Variants in GOLGA3 observed in about 807,000 individuals in gnomAD.
GOLGA3 encodes golgin A3, also known as golgin subfamily A member 3.
A neutral mutation model predicts 169.4 loss-of-function variants in GOLGA3; 75 were observed. The ratio of observed to expected loss-of-function variants is 0.44; its 90% confidence interval spans 0.37 to 0.54. The LOEUF (loss-of-function observed/expected upper bound fraction) is 0.54, where lower values mean the gene tolerates loss of function less well. Ranked by LOEUF, GOLGA3 falls within the 20% of genes least tolerant of loss-of-function variation. The probability of loss-of-function intolerance (pLI) is 0.00; values close to 1 mark genes in which losing one functional copy is unlikely to be tolerated. For missense variants in GOLGA3, 1,899 were observed against 1,930.0 expected (o/e 0.98, Z 0.30); for synonymous variants, 824 against 822.4 (o/e 1.00, Z -0.03).
At chr12:132,807,829 A>ACCTCTGCCCGCCCCACC (rs1949489661) in intron 5 of GOLGA3, 62 bp downstream of exon 5, 1 of 47,658 alleles carries the variant, frequency 2.1e-5, no homozygotes, top group Non-Finnish European at 3.1e-5. Context: ...CCCGCCCCAC[A>ACCTCTGCCCGCCCCACC]CCCCCCTCTG....
At position 132,789,165 on chromosome 12, in the gene GOLGA3, G is replaced by A. The variant is rs80194721; in HGVS notation, c.2673C>T (p.His891=). 2,079 of 1,612,182 alleles carry A rather than the reference G, an allele frequency of 1.3e-3. 5 individuals carry two copies. Among genetic ancestry groups the A allele is most frequent in the Non-Finnish European group, 1.6e-3 (1,856 of 1,180,016 alleles). Residue 891 remains histidine (H), a synonymous_variant, in exon 13 of 24, where the codon CAC becomes CAT. Coordinates refer to ENST00000450791, the MANE Select transcript of GOLGA3 (RefSeq NM_001389683.1). Reference sequence around the variant, plus strand: ...CCGCCTCGGCAGTCCGCTTCTCCCCGTGCACTTGCATCAGCTCCTGCCGCA... The same window carrying A: ...CCGCCTCGGCAGTCCGCTTCTCCCCATGCACTTGCATCAGCTCCTGCCGCA... ...KELRQELMQV[H]GEKRTAEAEL...
chr12:132,815,138 A>G (rs1033035196), intron 3 of GOLGA3, among the ~76,000 whole-genome samples: 1 of 152,224 alleles, frequency 6.6e-6, no homozygotes, highest in Non-Finnish European at 1.5e-5. Flanking sequence ...TAGTTTATAC[A>G]TTTTATCACT....
chr12:132,783,162 C>T (rs1191636824), intron 16 of GOLGA3, among the ~76,000 whole-genome samples: 2 of 151,830 alleles, frequency 1.3e-5, no homozygotes, highest in Non-Finnish European at 2.9e-5. Flanking sequence ...TGCACTCCAG[C>T]CTGAATGACA....
At chr12:132,807,357 T>G in intron 5 of GOLGA3, 69 bp from the exon 6 acceptor site, 1 of 802,630 alleles carries the variant, frequency 1.2e-6, no homozygotes, top group Non-Finnish European at 2.0e-6. Context: ...CTCCACATTC[T>G]CCAAATTCCA....
intron 23 of GOLGA3, 138 bp from the exon 24 acceptor site, chr12:132,773,432 G>T: frequency 6.6e-6 from 3 of 451,680 alleles, no homozygotes; most frequent in South Asian, 9.7e-5. Flanking sequence ...TGAGACCACA[G>T]AAGCTCAGCT....
intron 5 of GOLGA3, 127 bp downstream of exon 5, chr12:132,807,764 A>AACC: frequency 2.6e-5 from 2 of 77,646 alleles, no homozygotes; most frequent in South Asian, 3.8e-4. Flanking sequence ...GTCTCTGCCC[A>AACC]CCCCGCCCCC....
chr12:132,798,610 C>A (rs899633700), intron 8 of GOLGA3, 133 bp from the exon 9 acceptor site: 41 of 673,894 alleles, frequency 6.1e-5, no homozygotes, highest in Non-Finnish European at 9.2e-5. Flanking sequence ...GCCCCACTAC[C>A]CACTACACGT....
intron 2 of GOLGA3, among the ~76,000 whole-genome samples, chr12:132,821,569 G>A (rs552851788): frequency 6.6e-6 from 1 of 151,992 alleles, no homozygotes; most frequent in Admixed American, 6.5e-5. Context: ...ACATACTTTG[G>A]GCCGGGCACA....
intron 18 of GOLGA3, among the ~76,000 whole-genome samples, chr12:132,778,355 A>G: frequency 6.6e-6 from 1 of 152,190 alleles, no homozygotes; most frequent in South Asian, 2.1e-4. Context: ...CGGGTGGATC[A>G]CGAGGTCAGA....
chr12:132,789,300 A>G lies in GOLGA3; in HGVS notation c.2548-10T>C, dbSNP rs373994125. On this transcript the variant is annotated splice_polypyrimidine_tract_variant and intron_variant, in intron 12 of 23. Transcript: ENST00000450791. ...AGGCCTCCACCATCACCTGCCAAAG[A>G]CAGAGGCTGTGAGCGGACGCTGGGC... 70 of 1,578,654 alleles carry G rather than the reference A, an allele frequency of 4.4e-5. No homozygotes were observed. Among genetic ancestry groups the G allele is most frequent in the Admixed American group, 1.4e-4 (8 of 58,128 alleles).
intron 16 of GOLGA3, among the ~76,000 whole-genome samples, chr12:132,783,509 G>C (rs5801991): frequency 1.8e-4 from 22 of 119,106 alleles, no homozygotes; most frequent in African/African-American, 3.5e-4. Context: ...GCTGGGGAGT[G>C]GGGGGCGCCG....
chr12:132,789,072 G>C lies in GOLGA3; in HGVS notation c.2766C>G (p.Leu922=), dbSNP rs570766635. Residue 922 remains leucine, a synonymous_variant, in exon 13 of 24, where the codon CTC becomes CTG. Coordinates refer to ENST00000450791, the MANE Select transcript of GOLGA3 (RefSeq NM_001389683.1). The part of the protein sequence containing the change: ...RQHMADLEGH[L]QSAQKERDEM... ...CGTCTCGCTCCTTCTGCGCCGACTGGAGATGCCCTTCAAGGTCCGCCATGT... is the reference window on the plus strand; with the variant it reads ...CGTCTCGCTCCTTCTGCGCCGACTGCAGATGCCCTTCAAGGTCCGCCATGT... 1 of 1,607,500 alleles carries C rather than the reference G, an allele frequency of 6.2e-7. No individual in the cohort carries two copies. The highest frequency in any genetic ancestry group is 1.7e-5 in the Admixed American group (1 of 59,400).
intron 1 of GOLGA3, among the ~76,000 whole-genome samples, chr12:132,824,030 CA>C (rs1950319093): frequency 6.6e-6 from 1 of 152,110 alleles, no homozygotes; most frequent in Admixed American, 6.5e-5. Flanking sequence ...TTGCGTGAGC[CA>C]AAATTGTGCC....
At chr12:132,813,132 C>T (rs1449411470) in intron 4 of GOLGA3, among the ~76,000 whole-genome samples, 175 bp downstream of exon 4, 3 of 152,152 alleles carry the variant, frequency 2.0e-5, no homozygotes, top group South Asian at 2.1e-4. Context: ...TGAGGTCACC[C>T]GTGTTTGCTT....
Position 132,795,848 on chromosome 12 carries a change from T to C in GOLGA3, c.2469+4A>G, listed in dbSNP as rs1948800835. ...TCAAAACAAAACACAGCAGAATGCA[T>C]TACCTGGCCGGATTTGATAGCTAAT... On this transcript the variant is annotated splice_donor_region_variant and intron_variant, in intron 11 of 23. Coordinates refer to ENST00000450791, the MANE Select transcript of GOLGA3 (RefSeq NM_001389683.1). 1.2e-6 allele frequency: 2 copies of C among 1,610,058 alleles called. No homozygotes were observed. Among genetic ancestry groups the C allele is most frequent in the Non-Finnish European group, 1.7e-6 (2 of 1,176,758 alleles).
chr12:132,788,905 G>C, intron 13 of GOLGA3, 122 bp downstream of exon 13: 1 of 381,368 alleles, frequency 2.6e-6, no homozygotes. Context: ...CCAGACACAG[G>C]CCCCGACCCA....
At chr12:132,783,495 AG>A (rs2045723186) in intron 16 of GOLGA3, among the ~76,000 whole-genome samples, 1 of 28,032 alleles carries the variant, frequency 3.6e-5, no homozygotes, top group South Asian at 7.2e-4. Context: ...CTCCACAGGG[AG>A]GGGCTGGGGA....
chr12:132,801,370 G>A (rs1949119123), intron 8 of GOLGA3, among the ~76,000 whole-genome samples: 1 of 152,186 alleles, frequency 6.6e-6, no homozygotes, highest in South Asian at 2.1e-4. Context: ...CAGCAGAGTG[G>A]GGAGGCTGAG....
chr12:132,783,870 T>G, intron 16 of GOLGA3: 3 of 1,422,868 alleles, frequency 2.1e-6, no homozygotes, highest in Non-Finnish European at 2.7e-6. Context: ...GCCACTCGCC[T>G]GGCGAAGTTG....
Sources: allele counts gnomAD v4.1 joint callset (sites outside exome capture counted in the v4.1 genomes callset), GRCh38; gene constraint gnomAD v4.1.1; transcripts MANE v1.5; gene names NCBI Gene and HGNC (gene_info 2026-07-23, HGNC 2026-07-21).